Variants in HCK observed in about 807,000 individuals in gnomAD.
HCK encodes tyrosine-protein kinase HCK.
A neutral mutation model predicts 70.4 loss-of-function variants in HCK; 40 were observed. The observed-to-expected ratio is 0.57, with a 90% CI of 0.44 to 0.74. The LOEUF is 0.74. Ranked by LOEUF, HCK falls within the 30% of genes least tolerant of loss-of-function variation. HCK has a pLI of 0.00. For missense variants in HCK, 568 were observed against 697.2 expected (o/e 0.81, Z 2.09); for synonymous variants, 245 against 263.2 (o/e 0.93, Z 0.67).
At chr20:32,091,427 G>T (rs2045862371) in intron 10 of HCK, among the ~76,000 whole-genome samples, 1 of 152,314 alleles carries the variant, frequency 6.6e-6, no homozygotes, top group African/African-American at 2.4e-5. Context: ...TGGAAATGGG[G>T]CTGATAACAA....
At chr20:32,054,944 G>A (rs1423201947) in intron 1 of HCK, among the ~76,000 whole-genome samples, 2 of 152,184 alleles carry the variant, frequency 1.3e-5, no homozygotes, top group Non-Finnish European at 1.5e-5. Flanking sequence ...AGAAAATAGA[G>A]GCCTCATTCA....
intron 1 of HCK, among the ~76,000 whole-genome samples, chr20:32,065,318 C>T (rs2045439584): frequency 6.6e-6 from 1 of 152,242 alleles, no homozygotes; most frequent in Non-Finnish European, 1.5e-5. Flanking sequence ...CAGAGTGTGA[C>T]CCAAGAATAT....
intron 8 of HCK, 38 bp from the exon 9 acceptor site, chr20:32,086,590 G>C (rs756829825): frequency 1.3e-6 from 2 of 1,547,522 alleles, no homozygotes; most frequent in East Asian, 4.9e-5. Flanking sequence ...GAGACCAGTG[G>C]GCTCTGACCA....
rs528874049 is a variant in HCK at position 32,073,911 on chromosome 20, G to C, written c.329+93G>C. Reference sequence around the variant, plus strand: ...CTTCCATAAAGAACCTGATAGATGGGCTATCTTATCCTGGGTATAAATGTC... The same window carrying C: ...CTTCCATAAAGAACCTGATAGATGGCCTATCTTATCCTGGGTATAAATGTC... On this transcript the variant is annotated intron_variant, in intron 4 of 12. Coordinates refer to ENST00000375852, the MANE Select transcript of HCK (RefSeq NM_002110.5). The C allele has an allele frequency of 1.2e-5, 9 of 720,788 alleles. No individual in the cohort carries two copies. The African/African-American group carries it at 1.4e-4, about 11-fold the overall frequency. The allele number at this position is 720,788 out of a possible 1,614,324, so 44.6% of individuals were successfully genotyped here. A position where few individuals can be genotyped will look rare whatever the true frequency, so the allele number is the denominator to read the frequency against.
rs1317060319 is a variant in HCK, at chr20:32,093,864, T to C, written c.1094T>C (p.Ile365Thr). 6.2e-7 allele frequency: 1 copy of C among 1,610,652 alleles called. No individual in the cohort carries two copies. ...AAGGTGTCTCTGTTTGGGGTGCAGA[T>C]TGCAGAAGGCATGGCCTTCATCGAG... Residue 365 changes from isoleucine to threonine, a missense_variant and splice_region_variant, in exon 11 of 13, where the codon ATT becomes ACT. Ile to Thr is a moderately conservative substitution (Grantham distance 89). This residue lies in a region of HCK where 160 missense variants were observed against 237.5 expected (regional missense o/e 0.67). Coordinates refer to ENST00000375852, the MANE Select transcript of HCK (RefSeq NM_002110.5).
rs780392818 is a variant in HCK, at chr20:32,086,811, C to G, written c.1015+4C>G. On this transcript the variant is annotated splice_donor_region_variant and intron_variant, in intron 9 of 12. Transcript: ENST00000375852. The stretch of plus-strand genomic sequence containing the variant: ...ATCACGGAGTTCATGGCCAAAGGTG[C>G]TGCGTGCTGGGGCTGGGGGTGCAGG... 6.4e-7 allele frequency: 1 copy of G among 1,569,194 alleles called. No homozygotes were observed. Among genetic ancestry groups the G allele is most frequent in the Non-Finnish European group, 8.6e-7 (1 of 1,156,944 alleles).
intron 2 of HCK, chr20:32,072,505 G>A (rs1305993242): frequency 7.1e-6 from 1 of 140,268 alleles, no homozygotes; most frequent in African/African-American, 2.7e-5. Flanking sequence ...CGAACTGCAT[G>A]AGCTATGATC....
In HCK at chr20:32,074,498, G is replaced by A. The variant is rs142718266; in HGVS notation, c.330-125G>A. 7.5e-4 allele frequency: 535 copies of A among 712,986 alleles called. 5 individuals are homozygous for A. In the African/African-American group the frequency reaches 8.6e-3, roughly 11 times the overall value. The allele number at this position is 712,986 out of a possible 1,614,324, so 44.2% of individuals were successfully genotyped here. On this transcript the variant is annotated intron_variant, in intron 4 of 12. Transcript: ENST00000375852. ...ACATGCTGGGGCTGACATAGTCACA[G>A]CCCTGTCCTTCACCCTACTGGCTTT... is the stretch of plus-strand genomic sequence containing the variant.
At chr20:32,081,647 C>A (rs1373775323) in intron 6 of HCK, among the ~76,000 whole-genome samples, 1 of 152,312 alleles carries the variant, frequency 6.6e-6, no homozygotes, top group Non-Finnish European at 1.5e-5. Flanking sequence ...ATGCTACCCA[C>A]AATCAGTGTG....
At chr20:32,074,256 A>G (rs1015200069) in intron 4 of HCK, among the ~76,000 whole-genome samples, 1 of 152,092 alleles carries the variant, frequency 6.6e-6, no homozygotes, top group Non-Finnish European at 1.5e-5. Flanking sequence ...TCGGACTCCC[A>G]AGCCCACTCT....
intron 5 of HCK, among the ~76,000 whole-genome samples, chr20:32,076,609 C>T (rs541289632): frequency 6.6e-6 from 1 of 152,270 alleles, no homozygotes; most frequent in South Asian, 2.1e-4. Flanking sequence ...CAGACAAAGG[C>T]AAAATAACCT....
chr20:32,077,278 T>C (rs911478187), intron 5 of HCK, among the ~76,000 whole-genome samples: 1 of 152,134 alleles, frequency 6.6e-6, no homozygotes, highest in Non-Finnish European at 1.5e-5. Context: ...CTTTCAAATG[T>C]TTCAAAATGC....
chr20:32,066,604 C>T (rs2045463465), intron 1 of HCK, among the ~76,000 whole-genome samples: 1 of 152,126 alleles, frequency 6.6e-6, no homozygotes, highest in Non-Finnish European at 1.5e-5. Context: ...TGAGCCACTG[C>T]ACCCAGCCCC....
intron 6 of HCK, among the ~76,000 whole-genome samples, chr20:32,081,589 T>G (rs1236477360): frequency 1.3e-5 from 2 of 151,822 alleles, no homozygotes; most frequent in African/African-American, 4.8e-5. Context: ...GGCCTTCTAC[T>G]TGACCCTCAG....
At position 32,073,825 on chromosome 20, in the gene HCK, C is replaced by G. The variant is rs1339017831; in HGVS notation, c.329+7C>G. The G allele has an allele frequency of 6.7e-7, 1 of 1,494,324 alleles. No homozygotes were observed. Among genetic ancestry groups the G allele is most frequent in the South Asian group, 1.2e-5 (1 of 83,056 alleles). 92.6% of individuals were successfully genotyped at this position (1,494,324 alleles called of 1,614,324 possible). ...AGATGGTGGTCCTAGAGGAGTGAGT[C>G]CCCATCCCACTCCCCCTAAGACAGA... is the stretch of plus-strand genomic sequence containing the variant. On this transcript the variant is annotated splice_region_variant and intron_variant, in intron 4 of 12. Transcript: ENST00000375852.
chr20:32,067,531 C>CTTTTTTTTTTTTTTGTTTTT (rs2045476228), intron 1 of HCK, among the ~76,000 whole-genome samples: 1 of 110,334 alleles, frequency 9.1e-6, no homozygotes, highest in African/African-American at 3.6e-5. Flanking sequence ...GATGCTTTTA[C>CTTTTTTTTTTTTTTGTTTTT]TTTTTTTTTT....
Position 32,084,397 on chromosome 20 carries a change from A to G in HCK, c.689A>G (p.Asn230Ser). The G allele has an allele frequency of 6.2e-7, 1 of 1,612,856 alleles. No individual in the cohort carries two copies. The highest frequency in any genetic ancestry group is 1.3e-5 in the African/African-American group (1 of 75,030). The stretch of plus-strand genomic sequence containing the variant: ...ACCAGGGACTCTGTTCCAGAGGGGA[A>G]CGACGGGCTCTGCCAGAAACTGTCG... Residue 230 changes from asparagine (N) to serine (S), a missense_variant, in exon 8 of 13, where the codon AAC (asparagine) becomes AGC (serine). Asn to Ser is a conservative substitution (Grantham distance 46, BLOSUM62 1). Coordinates refer to ENST00000375852, the MANE Select transcript of HCK (RefSeq NM_002110.5).
chr20:32,057,796 A>G (rs1296440636), intron 1 of HCK, among the ~76,000 whole-genome samples: 2 of 152,108 alleles, frequency 1.3e-5, no homozygotes, highest in African/African-American at 4.8e-5. Flanking sequence ...CACCACATGC[A>G]CCAACCACAT....
chr20:32,073,758 A>T lies in HCK; in HGVS notation c.269A>T (p.Glu90Val). 1 of 1,558,158 alleles carries T rather than the reference A, an allele frequency of 6.4e-7. No homozygotes were observed. The highest frequency in any genetic ancestry group is 8.7e-7 in the Non-Finnish European group (1 of 1,150,022). Residue 90 changes from glutamate (E) to valine (V), a missense_variant, in exon 4 of 13, where the codon GAG becomes GTG. Transcript: ENST00000375852. ...ATCGTGGTTGCCCTGTATGATTACG[A>T]GGCCATTCACCACGAAGACCTCAGC...
Sources: allele counts gnomAD v4.1 joint callset (sites outside exome capture counted in the v4.1 genomes callset), GRCh38; gene constraint gnomAD v4.1.1; regional missense constraint gnomAD v4.1.1; transcripts MANE v1.5; gene names NCBI Gene and HGNC (gene_info 2026-07-23, HGNC 2026-07-21).